The following GRB10 variants were observed in gnomAD, a reference collection of about 807,000 sequenced individuals.
The protein encoded by GRB10 is growth factor receptor-bound protein 10.
A neutral mutation model predicts 80.9 loss-of-function variants in GRB10; 20 were observed. That is an observed-to-expected ratio of 0.25 (90% CI 0.17 to 0.36). The LOEUF is 0.36. Ranked by LOEUF, GRB10 falls within the 10% of genes least tolerant of loss-of-function variation. The probability of loss-of-function intolerance (pLI) is 1.00; values close to 1 mark genes in which losing one functional copy is unlikely to be tolerated. For missense variants in GRB10, 548 were observed against 747.7 expected (o/e 0.73, Z 3.12); for synonymous variants, 291 against 291.5 (o/e 1.00, Z 0.02).
chr7:50,673,579 T>G (rs899878705), intron 6 of GRB10, among the ~76,000 whole-genome samples: 5 of 151,828 alleles, frequency 3.3e-5, no homozygotes, highest in African/African-American at 1.2e-4. Context: ...AAATCCCCCC[T>G]CCTTCTTCAT....
At position 50,705,832 on chromosome 7, in the gene GRB10, C is replaced by G. The variant is rs540216231; in HGVS notation, c.52-1924G>C. The stretch of plus-strand genomic sequence containing the variant: ...TTTCCACTAAGAAAGAGGGGAAAGA[C>G]AGTTTGGAGCACACAGTGTCTGGGA... On this transcript the variant is annotated intron_variant, in intron 4 of 18. Transcript: ENST00000401949. Among the ~76,000 whole-genome samples the G allele has an allele frequency of 8.0e-4, 122 of 152,280 alleles. 1 individual carries two copies. The highest frequency in any genetic ancestry group is 2.8e-3 in the African/African-American group (116 of 41,560).
chr7:50,612,910 C>T, intron 12 of GRB10, 71 bp from the exon 13 acceptor site: 3 of 978,346 alleles, frequency 3.1e-6, no homozygotes, highest in African/African-American at 3.2e-5. Flanking sequence ...CAAGGCAGGG[C>T]TGCATCTGAC....
At chr7:50,718,749 C>T (rs939621336) in intron 4 of GRB10, among the ~76,000 whole-genome samples, 2 of 152,114 alleles carry the variant, frequency 1.3e-5, no homozygotes, top group African/African-American at 4.8e-5. Flanking sequence ...AAATTGTAAC[C>T]GTCGAAACCC....
At chr7:50,756,689 G>T (rs2075133317) in intron 2 of GRB10, among the ~76,000 whole-genome samples, 1 of 152,316 alleles carries the variant, frequency 6.6e-6, no homozygotes, top group Admixed American at 6.5e-5. Context: ...TAGGCATGGA[G>T]AAGAGGGTGG....
intron 4 of GRB10, among the ~76,000 whole-genome samples, chr7:50,720,767 C>T (rs2067592262): frequency 6.6e-6 from 1 of 151,628 alleles, no homozygotes; most frequent in East Asian, 1.9e-4. Flanking sequence ...CCTCTCTCTG[C>T]CAAAGTACAC....
intron 5 of GRB10, among the ~76,000 whole-genome samples, chr7:50,698,759 C>T (rs1331381708): frequency 6.6e-6 from 1 of 152,226 alleles, no homozygotes; most frequent in East Asian, 1.9e-4. Context: ...TGTTGTTTTT[C>T]AAATTTGTCT....
chr7:50,725,813 C>T (rs907827286), intron 4 of GRB10, among the ~76,000 whole-genome samples: 1 of 152,176 alleles, frequency 6.6e-6, no homozygotes, highest in Non-Finnish European at 1.5e-5. Flanking sequence ...GTGTTCTGCT[C>T]CTCCACTGCT....
At chr7:50,780,366 C>T (rs545904909) in intron 2 of GRB10, among the ~76,000 whole-genome samples, 17 of 152,204 alleles carry the variant, frequency 1.1e-4, no homozygotes, top group Non-Finnish European at 2.4e-4. Context: ...ACATGTGCTC[C>T]CAGACCTCCT....
At chr7:50,783,140 C>G (rs2078485009), upstream of GRB10, among the ~76,000 whole-genome samples, 1 of 152,230 alleles carries the variant, frequency 6.6e-6, no homozygotes, top group Non-Finnish European at 1.5e-5. Context: ...CGGGGGACAT[C>G]GCGGCCGCGG....
intron 3 of GRB10, among the ~76,000 whole-genome samples, chr7:50,745,902 G>C (rs1434351174): frequency 6.6e-6 from 1 of 152,132 alleles, no homozygotes; most frequent in Non-Finnish European, 1.5e-5. Context: ...TAAACTCTCT[G>C]GCTAAATTAG....
At chr7:50,787,681 G>A (rs1045465042), upstream of GRB10, among the ~76,000 whole-genome samples, 1 of 152,194 alleles carries the variant, frequency 6.6e-6, no homozygotes, top group African/African-American at 2.4e-5. Flanking sequence ...ATGACACTAG[G>A]AAGCCCTCCT....
chr7:50,747,595 G>C (rs1411388848), intron 3 of GRB10: 1 of 152,094 alleles, frequency 6.6e-6, no homozygotes, highest in Non-Finnish European at 1.5e-5. Context: ...CACTGTTGAG[G>C]GCTCTGCTCC....
intron 7 of GRB10, among the ~76,000 whole-genome samples, chr7:50,642,937 C>CA (rs1305654850): frequency 6.6e-6 from 1 of 152,214 alleles, no homozygotes; most frequent in Non-Finnish European, 1.5e-5. Flanking sequence ...ATCAGGACAG[C>CA]ACCAGTCAAT....
chr7:50,611,096 G>A (rs969682962), intron 13 of GRB10, among the ~76,000 whole-genome samples: 4 of 151,812 alleles, frequency 2.6e-5, no homozygotes, highest in African/African-American at 2.4e-5. Flanking sequence ...GCCCCTATCT[G>A]CACAGCTGCC....
chr7:50,716,675 A>C (rs2066918689), intron 4 of GRB10, among the ~76,000 whole-genome samples: 1 of 152,214 alleles, frequency 6.6e-6, no homozygotes, highest in Non-Finnish European at 1.5e-5. Context: ...GCAACACAGG[A>C]GATGAAAAAT....
At chr7:50,749,548 A>G (rs1256271675) in intron 3 of GRB10, among the ~76,000 whole-genome samples, 1 of 152,202 alleles carries the variant, frequency 6.6e-6, no homozygotes, top group Non-Finnish European at 1.5e-5. Flanking sequence ...ATATTACCAG[A>G]GCTTCTATAA....
intron 2 of GRB10, chr7:50,779,026 T>C (rs757971822): frequency 2.0e-5 from 3 of 152,226 alleles, no homozygotes; most frequent in Non-Finnish European, 4.4e-5. Flanking sequence ...GAATAAAGTA[T>C]GGACACATTT....
intron 7 of GRB10, among the ~76,000 whole-genome samples, chr7:50,657,807 C>T (rs1362763603): frequency 6.6e-6 from 1 of 152,228 alleles, no homozygotes; most frequent in East Asian, 1.9e-4. Flanking sequence ...GCACCAACAG[C>T]AGAGGGAGGA....
At chr7:50,686,726 A>T (rs892650370) in intron 5 of GRB10, among the ~76,000 whole-genome samples, 4 of 152,198 alleles carry the variant, frequency 2.6e-5, no homozygotes, top group African/African-American at 9.7e-5. Context: ...CAATTCTCAT[A>T]GTTCAAGCTT....
Sources: allele counts gnomAD v4.1 joint callset (sites outside exome capture counted in the v4.1 genomes callset), GRCh38; gene constraint gnomAD v4.1.1; transcripts MANE v1.5; gene names NCBI Gene and HGNC (gene_info 2026-07-23, HGNC 2026-07-21).